Variants in ST6GALNAC3 observed in about 807,000 individuals in gnomAD.
ST6GALNAC3 encodes the protein alpha-N-acetylgalactosaminide alpha-2,6-sialyltransferase 3.
ST6GALNAC3 carries 25 observed loss-of-function variants against 32.7 expected under a neutral mutation model. That is an observed-to-expected ratio of 0.76 (90% CI 0.56 to 1.07). The LOEUF is 1.07. Among genes scored for constraint, ST6GALNAC3 ranks in the 50% least tolerant of loss-of-function variants. The pLI, the probability that ST6GALNAC3 is intolerant of heterozygous loss-of-function variation, is 0.00. For synonymous variants in ST6GALNAC3, 129 were observed against 133.1 expected, an observed-to-expected ratio of 0.97 and a Z score of 0.21; for missense variants, 355 against 382.4, an observed-to-expected ratio of 0.93 and a Z score of 0.60.
At chr1:76,511,615 T>C (rs1661868055) in intron 3 of ST6GALNAC3, among the ~76,000 whole-genome samples, 1 of 152,200 alleles carries the variant, frequency 6.6e-6, no homozygotes. Flanking sequence ...GTGCAGTACC[T>C]GGCACATAAA....
At chr1:76,192,356 G>T (rs1231170498) in intron 1 of ST6GALNAC3, among the ~76,000 whole-genome samples, 1 of 152,152 alleles carries the variant, frequency 6.6e-6, no homozygotes, top group Non-Finnish European at 1.5e-5. Context: ...ACCAGGCTCT[G>T]CTGGCTTCCA....
At chr1:76,096,527 C>T (rs1003189113) in intron 1 of ST6GALNAC3, among the ~76,000 whole-genome samples, 2 of 151,276 alleles carry the variant, frequency 1.3e-5, no homozygotes, top group African/African-American at 4.9e-5. Flanking sequence ...GCTGTAAAGC[C>T]CCCTTCTTTT....
At chr1:76,257,565 T>C (rs542959515) in intron 1 of ST6GALNAC3, among the ~76,000 whole-genome samples, 1 of 152,216 alleles carries the variant, frequency 6.6e-6, no homozygotes, top group East Asian at 1.9e-4. Context: ...TTCAAGCATA[T>C]TTAGTTGTGC....
In ST6GALNAC3 at chr1:76,630,579, T is replaced by C. The variant is rs946138836; in HGVS notation, c.*1773T>C. ...TATAGAATGTTTTGGAAACTGGAAG[T>C]AATGATACATTTCACTTCAGAAGCA... On this transcript the variant is annotated 3_prime_UTR_variant, in exon 5 of 5. Transcript: ENST00000328299. The C allele has an allele frequency of 2.0e-6, 2 of 985,400 alleles. No individual in the cohort carries two copies. Among genetic ancestry groups the C allele is most frequent in the Admixed American group, 1.2e-4 (2 of 16,224 alleles). 61.0% of individuals were successfully genotyped at this position (985,400 alleles called of 1,614,324 possible). A position where few individuals can be genotyped will look rare whatever the true frequency, so the allele number is the denominator to read the frequency against.
chr1:76,094,190 G>A (rs1457952855), intron 1 of ST6GALNAC3, among the ~76,000 whole-genome samples: 2 of 152,184 alleles, frequency 1.3e-5, no homozygotes, highest in Non-Finnish European at 2.9e-5. Context: ...ATGTAGAGAA[G>A]AGGGACAGAG....
At chr1:76,546,317 T>C (rs977274555) in intron 3 of ST6GALNAC3, among the ~76,000 whole-genome samples, 1 of 151,844 alleles carries the variant, frequency 6.6e-6, no homozygotes, top group South Asian at 2.1e-4. Flanking sequence ...AACTCAGAGG[T>C]TTTGGAGTGA....
Position 76,496,720 on chromosome 1 carries a change from TGA to T in ST6GALNAC3, c.623+84304_623+84305del, listed in dbSNP as rs1660870451. On this transcript the variant is annotated intron_variant, in intron 3 of 4. Transcript: ENST00000328299. Reference sequence around the variant, plus strand: ...GTATAATTAAATTGTGTCCCAGCAGTGAAGGTTCCTTAATGATAATGAGCCAA... The same window carrying T: ...GTATAATTAAATTGTGTCCCAGCAGTAGGTTCCTTAATGATAATGAGCCAA... Among the ~76,000 whole-genome samples, 4 of 152,130 alleles carry T rather than the reference TGA, an allele frequency of 2.6e-5. 1 individual carries two copies. The highest frequency in any genetic ancestry group is 2.6e-4 in the Admixed American group (4 of 15,250).
intron 1 of ST6GALNAC3, among the ~76,000 whole-genome samples, chr1:76,110,841 G>A (rs1647879133): frequency 6.6e-6 from 1 of 152,344 alleles, no homozygotes; most frequent in Non-Finnish European, 1.5e-5. Flanking sequence ...GACATTTGGA[G>A]TAGATTGTGA....
At chr1:76,154,746 T>C (rs530101038) in intron 1 of ST6GALNAC3, among the ~76,000 whole-genome samples, 1 of 152,202 alleles carries the variant, frequency 6.6e-6, no homozygotes, top group East Asian at 1.9e-4. Flanking sequence ...CCGTGGTTAG[T>C]GTGGATCAGC....
intron 1 of ST6GALNAC3, among the ~76,000 whole-genome samples, chr1:76,273,714 A>G (rs548919267): frequency 1.3e-5 from 2 of 152,368 alleles, no homozygotes; most frequent in Non-Finnish European, 2.9e-5. Context: ...CTGAAAAGCA[A>G]TATGGCAACA....
At chr1:76,145,999 T>C (rs1650659126) in intron 1 of ST6GALNAC3, among the ~76,000 whole-genome samples, 1 of 152,254 alleles carries the variant, frequency 6.6e-6, no homozygotes, top group African/African-American at 2.4e-5. Context: ...ACTAGGTCTT[T>C]GCTTTTGAAA....
At chr1:76,355,232 T>A (rs923247178) in intron 2 of ST6GALNAC3, among the ~76,000 whole-genome samples, 6 of 152,208 alleles carry the variant, frequency 3.9e-5, no homozygotes, top group South Asian at 2.1e-4. Context: ...TTTGGGCCAA[T>A]GAGCAGTCTT....
rs375529641 is a variant in ST6GALNAC3, at chr1:76,202,268, A to ATGCATGTG, written c.19-111535_19-111534insCATGTGTG. Among the ~76,000 whole-genome samples, 15 of 145,434 alleles carry ATGCATGTG rather than the reference A, an allele frequency of 1.0e-4. No individual in the cohort carries two copies. The East Asian group carries it at 2.3e-3, about 22-fold the overall frequency. On this transcript the variant is annotated intron_variant, in intron 1 of 4. Transcript: ENST00000328299. Reference sequence around the variant, plus strand: ...GTGGGTGGAGAGTGTGTGTGCATGCATGTGTGTGTGTGTGTGTGTGTGTGT... The same window carrying ATGCATGTG: ...GTGGGTGGAGAGTGTGTGTGCATGCATGCATGTGTGTGTGTGTGTGTGTGTGTGTGTGT...
intron 3 of ST6GALNAC3, among the ~76,000 whole-genome samples, chr1:76,450,316 T>G (rs1318949547): frequency 6.6e-6 from 1 of 152,158 alleles, no homozygotes; most frequent in Non-Finnish European, 1.5e-5. Flanking sequence ...TTTTGATTTG[T>G]ATTTCTCTGA....
intron 1 of ST6GALNAC3, among the ~76,000 whole-genome samples, chr1:76,085,210 A>G (rs1646949158): frequency 6.6e-6 from 1 of 152,246 alleles, no homozygotes; most frequent in African/African-American, 2.4e-5. Flanking sequence ...TATTCACCAT[A>G]TCTGCTTTCA....
intron 1 of ST6GALNAC3, among the ~76,000 whole-genome samples, chr1:76,245,075 G>T (rs1025621520): frequency 4.6e-5 from 7 of 152,038 alleles, no homozygotes; most frequent in Non-Finnish European, 7.4e-5. Context: ...GGCTTTTTTG[G>T]TTGGTAGGCT....
At chr1:76,370,572 C>G (rs927655990) in intron 2 of ST6GALNAC3, among the ~76,000 whole-genome samples, 1 of 151,998 alleles carries the variant, frequency 6.6e-6, no homozygotes, top group Non-Finnish European at 1.5e-5. Flanking sequence ...GTGACTTGTT[C>G]GGGGTACCTG....
chr1:76,441,088 C>CAAAAAAA (rs397980569), intron 3 of ST6GALNAC3, among the ~76,000 whole-genome samples: 14 of 90,250 alleles, frequency 1.6e-4, no homozygotes, highest in South Asian at 4.6e-4. Flanking sequence ...ACTATGTCTC[C>CAAAAAAA]AAAAAAAAAA....
chr1:76,326,551 ATATCT>A (rs1019664991), intron 2 of ST6GALNAC3, among the ~76,000 whole-genome samples: 7 of 152,050 alleles, frequency 4.6e-5, no homozygotes, highest in Admixed American at 2.0e-4. Context: ...TTTTCTACTA[ATATCT>A]TATCTACACA....
Sources: gnomAD v4.1 joint callset for allele counts (sites outside exome capture counted in the v4.1 genomes callset) on GRCh38, gnomAD v4.1.1 for gene constraint, MANE v1.5 for transcripts, NCBI Gene and HGNC (gene_info 2026-07-23, HGNC 2026-07-21) for gene names.